The following VWA8 variants were observed in gnomAD, a reference collection of about 807,000 sequenced individuals.
VWA8 encodes von Willebrand factor A domain containing 8.
A neutral mutation model predicts 241.5 loss-of-function variants in VWA8; 221 were observed. The observed-to-expected ratio is 0.91, with a 90% CI of 0.82 to 1.02. The LOEUF (loss-of-function observed/expected upper bound fraction) is 1.02. Ranked by LOEUF, VWA8 falls within the 50% of genes least tolerant of loss-of-function variation. The probability of loss-of-function intolerance (pLI) is 0.00; values close to 1 mark genes in which losing one functional copy is unlikely to be tolerated. For synonymous variants in VWA8, 852 were observed against 827.1 expected (o/e 1.03, Z -0.52); for missense variants, 2,322 against 2,328.7 (o/e 1.00, Z 0.06).
intron 44 of VWA8, among the ~76,000 whole-genome samples, chr13:41,569,055 CA>C (rs1486133635): frequency 1.3e-5 from 2 of 152,236 alleles, no homozygotes; most frequent in African/African-American, 4.8e-5. Flanking sequence ...CAGTTCTCTT[CA>C]AAAGAACGCC....
chr13:41,787,742 ATGTT>A (rs1869271987), intron 17 of VWA8, among the ~76,000 whole-genome samples, 199 bp from the exon 18 acceptor site: 1 of 152,192 alleles, frequency 6.6e-6, no homozygotes, highest in African/African-American at 2.4e-5. Flanking sequence ...TGTGAATTAT[ATGTT>A]TGTGGAATCT....
intron 37 of VWA8, among the ~76,000 whole-genome samples, chr13:41,669,377 C>T (rs780454562): frequency 1.3e-5 from 2 of 152,088 alleles, no homozygotes; most frequent in Admixed American, 6.6e-5. Context: ...CATTTGTTAT[C>T]AAATAGTTTC....
intron 26 of VWA8, among the ~76,000 whole-genome samples, chr13:41,717,972 T>C (rs963248572): frequency 1.3e-5 from 2 of 152,048 alleles, no homozygotes; most frequent in Admixed American, 1.3e-4. Context: ...GCCATAGCAA[T>C]AATTTTTCTG....
At chr13:41,918,479 G>A (rs1176013194) in intron 2 of VWA8, among the ~76,000 whole-genome samples, 1 of 152,154 alleles carries the variant, frequency 6.6e-6, no homozygotes, top group Non-Finnish European at 1.5e-5. Flanking sequence ...ATTTGCTTGT[G>A]TTTGTATAGA....
chr13:41,612,293 A>G (rs1485965268), intron 38 of VWA8, among the ~76,000 whole-genome samples: 1 of 152,208 alleles, frequency 6.6e-6, no homozygotes, highest in Non-Finnish European at 1.5e-5. Flanking sequence ...ACCTCGTATC[A>G]CTGGCTTAGC....
chr13:41,731,190 C>A (rs904484995), intron 22 of VWA8, among the ~76,000 whole-genome samples: 6 of 151,850 alleles, frequency 4.0e-5, no homozygotes, highest in Non-Finnish European at 7.4e-5. Flanking sequence ...CCTAAAGACT[C>A]CACTCCCTGG....
At chr13:41,830,417 A>C (rs1871395246) in intron 14 of VWA8, 112 bp downstream of exon 14, 2 of 903,352 alleles carry the variant, frequency 2.2e-6, no homozygotes, top group South Asian at 3.5e-5. Context: ...ACACCAAATT[A>C]TTAAATTGTT....
chr13:41,857,249 T>C (rs941558088), intron 12 of VWA8, among the ~76,000 whole-genome samples: 1 of 152,220 alleles, frequency 6.6e-6, no homozygotes, highest in Non-Finnish European at 1.5e-5. Context: ...CTTATTTCAT[T>C]ATTTATTTTT....
intron 4 of VWA8, among the ~76,000 whole-genome samples, chr13:41,896,707 A>G (rs551819087): frequency 2.7e-4 from 41 of 152,300 alleles, no homozygotes; most frequent in African/African-American, 8.7e-4. Context: ...GTAAAACATG[A>G]TATTTTTAGA....
intron 18 of VWA8, 44 bp downstream of exon 18, chr13:41,787,393 A>C: frequency 1.4e-6 from 2 of 1,427,460 alleles, no homozygotes; most frequent in Non-Finnish European, 2.0e-6. Context: ...AATGTTTGTT[A>C]ATTATTATTT....
chr13:41,759,205 G>A (rs1024243160), intron 21 of VWA8, among the ~76,000 whole-genome samples: 1 of 151,418 alleles, frequency 6.6e-6, no homozygotes. Context: ...GAATATTTTT[G>A]CCAAATATAC....
chr13:41,772,462 AAAC>A (rs532947017), intron 20 of VWA8, among the ~76,000 whole-genome samples: 1,789 of 76,228 alleles, frequency 0.023, 36 homozygotes, highest in African/African-American at 0.038. Context: ...CAAAACAAAC[AAAC>A]AAAAAAAAAA....
chr13:41,721,511 T>C lies in VWA8; in HGVS notation c.2823A>G (p.Arg941=). ...GCTCAGGCACATTTGGTCCATACTG[T>C]CTGAGCATCTCGAGCTCCGAGTGGG... is the stretch of plus-strand genomic sequence containing the variant. ...PKPHSELEML[R]QYGPNVPEPI... The change falls in exon 25 of 45, where the codon AGA becomes AGG. Residue 941 remains arginine (R), a synonymous_variant. Transcript: ENST00000379310. The C allele has an allele frequency of 6.2e-7, 1 of 1,613,864 alleles. No homozygotes were observed. The highest frequency in any genetic ancestry group is 8.5e-7 in the Non-Finnish European group (1 of 1,179,832).
chr13:41,630,971 G>A (rs1302357919), intron 37 of VWA8, among the ~76,000 whole-genome samples: 1 of 152,086 alleles, frequency 6.6e-6, no homozygotes, highest in Non-Finnish European at 1.5e-5. Flanking sequence ...AGCTCTGCCT[G>A]CCAGCCCATA....
intron 1 of VWA8, among the ~76,000 whole-genome samples, chr13:41,957,631 C>CAT (rs1418546887): frequency 1.3e-5 from 2 of 151,972 alleles, no homozygotes; most frequent in African/African-American, 4.8e-5. Flanking sequence ...AATAATTATA[C>CAT]ATATATATGT....
chr13:41,742,287 CATTT>C (rs1418153031), intron 21 of VWA8, among the ~76,000 whole-genome samples: 1 of 152,214 alleles, frequency 6.6e-6, no homozygotes, highest in Non-Finnish European at 1.5e-5. Context: ...CACATTCATT[CATTT>C]GTTTAACAAA....
At chr13:41,790,535 A>G (rs1310368115) in intron 17 of VWA8, among the ~76,000 whole-genome samples, 2 of 152,000 alleles carry the variant, frequency 1.3e-5, no homozygotes, top group Non-Finnish European at 2.9e-5. Context: ...TTCATTTCTG[A>G]TTAAACTCTT....
intron 14 of VWA8, among the ~76,000 whole-genome samples, chr13:41,822,749 T>G (rs1392868210): frequency 6.6e-6 from 1 of 152,180 alleles, no homozygotes; most frequent in Admixed American, 6.5e-5. Flanking sequence ...ACTTATAAAG[T>G]ACTTTCTGAT....
chr13:41,574,712 T>C (rs758072059), intron 43 of VWA8, among the ~76,000 whole-genome samples: 9 of 152,082 alleles, frequency 5.9e-5, no homozygotes, highest in Non-Finnish European at 1.2e-4. Flanking sequence ...GGTACTGGTA[T>C]AAAAATAGGC....
Sources: gnomAD v4.1 joint callset for allele counts (sites outside exome capture counted in the v4.1 genomes callset) on GRCh38, gnomAD v4.1.1 for gene constraint, MANE v1.5 for transcripts, NCBI Gene and HGNC (gene_info 2026-07-23, HGNC 2026-07-21) for gene names.